Variants in EXOC6B observed in about 807,000 individuals in gnomAD.
EXOC6B encodes SEC15 homolog B.
Under a neutral mutation model 113.5 loss-of-function variants are expected in EXOC6B, and 54 were observed. The ratio of observed to expected loss-of-function variants is 0.48; its 90% confidence interval spans 0.38 to 0.60. EXOC6B has a LOEUF of 0.60. Ranked by LOEUF, EXOC6B falls within the 20% of genes least tolerant of loss-of-function variation. The probability of loss-of-function intolerance (pLI) is 0.00; values close to 1 mark genes in which losing one functional copy is unlikely to be tolerated. For synonymous variants in EXOC6B, 357 were observed against 339.0 expected, an observed-to-expected ratio of 1.05 and a Z score of -0.58; for missense variants, 797 against 977.5, an observed-to-expected ratio of 0.82 and a Z score of 2.46.
chr2:72,296,453 T>C (rs1686138159), intron 20 of EXOC6B, among the ~76,000 whole-genome samples: 1 of 152,184 alleles, frequency 6.6e-6, no homozygotes, highest in Admixed American at 6.5e-5. Context: ...TAGATAAAGA[T>C]AATTCATTAT....
intron 6 of EXOC6B, among the ~76,000 whole-genome samples, chr2:72,663,613 CTGTT>C (rs1314779640): frequency 6.6e-6 from 1 of 151,860 alleles, no homozygotes; most frequent in Non-Finnish European, 1.5e-5. Flanking sequence ...AAATTTAAAG[CTGTT>C]TGATTCCAAA....
intron 20 of EXOC6B, among the ~76,000 whole-genome samples, chr2:72,215,563 G>C (rs1680470888): frequency 6.6e-6 from 1 of 152,082 alleles, no homozygotes; most frequent in Non-Finnish European, 1.5e-5. Context: ...AGAAAGACAG[G>C]CACCTTCAAA....
intron 19 of EXOC6B, among the ~76,000 whole-genome samples, chr2:72,336,579 T>C (rs1688702707): frequency 6.6e-6 from 1 of 152,230 alleles, no homozygotes; most frequent in Non-Finnish European, 1.5e-5. Flanking sequence ...TGCCTCATTT[T>C]TCATTTTAAT....
intron 20 of EXOC6B, among the ~76,000 whole-genome samples, chr2:72,254,467 CCT>C (rs1212039096): frequency 6.6e-6 from 1 of 152,190 alleles, no homozygotes; most frequent in Admixed American, 6.5e-5. Context: ...AGATTTCTGG[CCT>C]CCAGACCTGT....
At position 72,459,088 on chromosome 2, in the gene EXOC6B, G is replaced by A. The variant is rs1697447917; in HGVS notation, c.1980+6072C>T. 2.6e-5 allele frequency among the ~76,000 whole-genome samples: 4 copies of A among 152,012 alleles called. No individual in the cohort carries two copies. In the South Asian group the frequency reaches 8.3e-4, roughly 31 times the overall value. On this transcript the variant is annotated intron_variant, in intron 18 of 21. Coordinates refer to ENST00000272427, the MANE Select transcript of EXOC6B (RefSeq NM_015189.3). ...TAAGGATAAACCCAGCATATAAACA[G>A]AACCAAAGACAAAAACCACATGATT... is the stretch of plus-strand genomic sequence containing the variant.
chr2:72,431,702 G>T (rs1573104147), intron 18 of EXOC6B, among the ~76,000 whole-genome samples: 1 of 151,872 alleles, frequency 6.6e-6, no homozygotes, highest in Non-Finnish European at 1.5e-5. Context: ...GAATGTACAG[G>T]TTTGTTACAC....
At chr2:72,717,100 A>C (rs1441906345) in intron 6 of EXOC6B, among the ~76,000 whole-genome samples, 1 of 152,084 alleles carries the variant, frequency 6.6e-6, no homozygotes. Flanking sequence ...CTAGTTTTAA[A>C]CTCTGCACTT....
At chr2:72,806,937 C>T (rs929375288) in intron 1 of EXOC6B, among the ~76,000 whole-genome samples, 1 of 152,104 alleles carries the variant, frequency 6.6e-6, no homozygotes, top group Admixed American at 6.6e-5. Context: ...TTGTCAGATA[C>T]ATAGTTTCCA....
intron 18 of EXOC6B, among the ~76,000 whole-genome samples, chr2:72,389,428 A>G (rs1692235873): frequency 6.6e-6 from 1 of 152,026 alleles, no homozygotes; most frequent in Non-Finnish European, 1.5e-5. Context: ...AGTCCATTAC[A>G]TATTAAAAAA....
chr2:72,559,531 CA>C lies in EXOC6B; in HGVS notation c.847-11del. ...CTTGGGCCCCAGGTACCTGCAAACA[CA>C]AGATTATAACAAAAAAATTCAAACA... On this transcript the variant is annotated splice_polypyrimidine_tract_variant and intron_variant, in intron 7 of 21. Transcript: ENST00000272427. 1 of 1,607,706 alleles carries C rather than the reference CA, an allele frequency of 6.2e-7. No homozygotes were observed. Among genetic ancestry groups the C allele is most frequent in the South Asian group, 1.1e-5 (1 of 89,828 alleles).
chr2:72,626,506 C>G (rs1198129983), intron 6 of EXOC6B, among the ~76,000 whole-genome samples: 1 of 152,164 alleles, frequency 6.6e-6, no homozygotes, highest in Non-Finnish European at 1.5e-5. Flanking sequence ...TATGAATTCT[C>G]TTATTTAGCT....
intron 10 of EXOC6B, among the ~76,000 whole-genome samples, chr2:72,513,597 G>A (rs1517181): frequency 0.85 from 128,722 of 151,694 alleles, 55,173 homozygotes; most frequent in East Asian, 0.99. Context: ...AGCCATCAAT[G>A]CATTTCAAAA....
chr2:72,537,254 TC>T (rs1702347595), intron 8 of EXOC6B, among the ~76,000 whole-genome samples: 1 of 152,118 alleles, frequency 6.6e-6, no homozygotes, highest in Non-Finnish European at 1.5e-5. Context: ...TCCAGTAAGA[TC>T]TTTCTTGTAG....
At chr2:72,379,063 T>C (rs1002845790) in intron 19 of EXOC6B, among the ~76,000 whole-genome samples, 3 of 152,176 alleles carry the variant, frequency 2.0e-5, no homozygotes, top group Non-Finnish European at 4.4e-5. Flanking sequence ...ATAAAAGGAA[T>C]AGGTGAAGGC....
At chr2:72,546,268 G>A (rs1702893830) in intron 8 of EXOC6B, among the ~76,000 whole-genome samples, 1 of 152,180 alleles carries the variant, frequency 6.6e-6, no homozygotes, top group South Asian at 2.1e-4. Flanking sequence ...GGCCAGCATG[G>A]CAAAACCCCA....
At chr2:72,585,532 G>T (rs1018212231) in intron 6 of EXOC6B, among the ~76,000 whole-genome samples, 1 of 151,968 alleles carries the variant, frequency 6.6e-6, no homozygotes, top group African/African-American at 2.4e-5. Context: ...AGGAGGCAGA[G>T]GGTGCAGTGA....
At chr2:72,646,643 A>T (rs1348947510) in intron 6 of EXOC6B, among the ~76,000 whole-genome samples, 2 of 152,212 alleles carry the variant, frequency 1.3e-5, no homozygotes, top group Non-Finnish European at 2.9e-5. Flanking sequence ...AGGCTGGTTC[A>T]ACATACGCAA....
chr2:72,784,921 A>T (rs1684282209), intron 1 of EXOC6B, among the ~76,000 whole-genome samples: 1 of 152,214 alleles, frequency 6.6e-6, no homozygotes, highest in Admixed American at 6.5e-5. Context: ...CTCATCTGAG[A>T]CAAGGCAACA....
At chr2:72,649,294 C>A (rs1336541332) in intron 6 of EXOC6B, among the ~76,000 whole-genome samples, 2 of 151,990 alleles carry the variant, frequency 1.3e-5, no homozygotes, top group African/African-American at 4.8e-5. Context: ...TATGATAGCA[C>A]AACAGGGTGA....
Sources: gnomAD v4.1 joint callset for allele counts (sites outside exome capture counted in the v4.1 genomes callset) on GRCh38, gnomAD v4.1.1 for gene constraint, MANE v1.5 for transcripts, NCBI Gene and HGNC (gene_info 2026-07-23, HGNC 2026-07-21) for gene names.